The following EML6 variants were observed in gnomAD, a reference collection of about 807,000 sequenced individuals.
EML6 encodes echinoderm microtubule-associated protein-like 6.
Under a neutral mutation model 240.1 loss-of-function variants are expected in EML6, and 154 were observed. The ratio of observed to expected loss-of-function variants is 0.64; its 90% CI spans 0.56 to 0.73. EML6 has a LOEUF of 0.73. EML6 is among the 30% of genes least tolerant of loss of function. The pLI, the probability that EML6 is intolerant of heterozygous loss-of-function variation, is 0.00. For missense variants in EML6, 2,964 were observed against 2,474.6 expected, an observed-to-expected ratio of 1.20 and a Z score of -4.20; for synonymous variants, 1,148 against 899.0, an observed-to-expected ratio of 1.28 and a Z score of -4.95.
In EML6 at chr2:54,970,208, C is replaced by T; in HGVS notation, c.*113C>T. On this transcript the variant is annotated 3_prime_UTR_variant, in exon 42 of 42. Transcript: ENST00000356458. Reference sequence around the variant, plus strand: ...CGTTGGGAAATGCCTACCATGCTGCCCCGGATGCACAAGCTCAAAACGCTG... The same window carrying T: ...CGTTGGGAAATGCCTACCATGCTGCTCCGGATGCACAAGCTCAAAACGCTG... The T allele has an allele frequency of 9.9e-7, 1 of 1,015,044 alleles. No homozygotes were observed. The highest frequency in any genetic ancestry group is 1.5e-6 in the Non-Finnish European group (1 of 661,942). The allele number at this position is 1,015,044 out of a possible 1,614,324, so 62.9% of individuals were successfully genotyped here. A position where few individuals can be genotyped will look rare whatever the true frequency, so the allele number is the denominator to read the frequency against.
intron 35 of EML6, among the ~76,000 whole-genome samples, chr2:54,961,184 G>GTTGTTTTTTTTTTTTTTTTTTTTTGT: frequency 3.2e-4 from 18 of 55,410 alleles, no homozygotes; most frequent in Non-Finnish European, 4.1e-4. Flanking sequence ...TCAGGAAGTA[G>GTTGTTTTTTTTTTTTTTTTTTTTTGT]TTTTTTTTTT....
Position 54,916,417 on chromosome 2 carries a change from C to A in EML6, c.3499-342C>A, listed in dbSNP as rs375648890. 3.3e-5 allele frequency among the ~76,000 whole-genome samples: 5 copies of A among 152,206 alleles called. No individual in the cohort carries two copies. In the East Asian group the frequency reaches 7.7e-4, roughly 23 times the overall value. On this transcript the variant is annotated intron_variant, in intron 25 of 41. Coordinates refer to ENST00000356458, the MANE Select transcript of EML6 (RefSeq NM_001039753.4). The stretch of plus-strand genomic sequence containing the variant: ...CAACAAAGAATTTTCCAGCCTAAGA[C>A]ATCAGTGCTGGCGTTGGGGAATCTG...
intron 28 of EML6, among the ~76,000 whole-genome samples, chr2:54,937,043 G>A (rs150398008): frequency 6.6e-6 from 1 of 151,548 alleles, no homozygotes; most frequent in African/African-American, 2.4e-5. Context: ...ACTGTGGGAG[G>A]CGGAGGAGGG....
intron 25 of EML6, among the ~76,000 whole-genome samples, chr2:54,912,209 G>A (rs930806597): frequency 6.6e-6 from 1 of 152,136 alleles, no homozygotes; most frequent in African/African-American, 2.4e-5. Flanking sequence ...TCATGGCATT[G>A]TATTAATGGA....
At chr2:54,921,522 C>T (rs888260477) in intron 26 of EML6, among the ~76,000 whole-genome samples, 1 of 151,994 alleles carries the variant, frequency 6.6e-6, no homozygotes, top group Admixed American at 6.6e-5. Context: ...TCTGCAGATT[C>T]AATGTAATCC....
intron 28 of EML6, among the ~76,000 whole-genome samples, chr2:54,930,099 A>T (rs1674774389): frequency 6.6e-6 from 1 of 152,188 alleles, no homozygotes; most frequent in South Asian, 2.1e-4. Context: ...AAAAAAAAAA[A>T]TTACCCAGCC....
At chr2:54,728,942 C>T (rs1034487683) in intron 2 of EML6, among the ~76,000 whole-genome samples, 19 of 152,282 alleles carry the variant, frequency 1.2e-4, no homozygotes, top group African/African-American at 3.4e-4. Flanking sequence ...TCATCTTCCC[C>T]GCTGGCCCTT....
chr2:54,794,631 C>T (rs1287383200), intron 2 of EML6, among the ~76,000 whole-genome samples: 1 of 152,148 alleles, frequency 6.6e-6, no homozygotes, highest in Non-Finnish European at 1.5e-5. Flanking sequence ...TACCAATGGC[C>T]CTTGCATAAT....
intron 2 of EML6, among the ~76,000 whole-genome samples, chr2:54,743,722 C>G (rs1683769431): frequency 6.6e-6 from 1 of 152,100 alleles, no homozygotes; most frequent in African/African-American, 2.4e-5. Context: ...TTGTGCAACT[C>G]CCACTATAGG....
intron 2 of EML6, among the ~76,000 whole-genome samples, chr2:54,805,817 T>A (rs910703517): frequency 1.4e-4 from 21 of 152,178 alleles, no homozygotes; most frequent in African/African-American, 4.3e-4. Context: ...ACTTTTTGAG[T>A]TTTTTTGCAT....
intron 22 of EML6, among the ~76,000 whole-genome samples, chr2:54,901,068 T>A (rs1673029740): frequency 6.6e-6 from 1 of 152,192 alleles, no homozygotes; most frequent in Non-Finnish European, 1.5e-5. Flanking sequence ...ATAGTGATGG[T>A]GGCTAATATG....
intron 2 of EML6, among the ~76,000 whole-genome samples, chr2:54,798,662 T>C (rs1325602581): frequency 6.6e-6 from 1 of 152,188 alleles, no homozygotes; most frequent in East Asian, 1.9e-4. Flanking sequence ...TGAATTCTAG[T>C]AGGGTTTTTA....
chr2:54,860,344 C>A (rs979034470), intron 12 of EML6, among the ~76,000 whole-genome samples: 1 of 152,132 alleles, frequency 6.6e-6, no homozygotes, highest in Non-Finnish European at 1.5e-5. Flanking sequence ...AGTGCTCAAG[C>A]CTTCCAGGGA....
chr2:54,823,970 A>G (rs1362242652), intron 5 of EML6, among the ~76,000 whole-genome samples: 1 of 151,808 alleles, frequency 6.6e-6, no homozygotes, highest in Non-Finnish European at 1.5e-5. Context: ...TAGGGGCACA[A>G]TAATGTTAAT....
At position 54,762,131 on chromosome 2, in the gene EML6, C is replaced by A. The variant is rs1411068239; in HGVS notation, c.197+36873C>A. 2.0e-5 allele frequency among the ~76,000 whole-genome samples: 3 copies of A among 152,124 alleles called. No individual in the cohort carries two copies. In the South Asian group the frequency reaches 6.2e-4, roughly 32 times the overall value. ...TTTCATTTTCATGTCTCCTTAGTCT[C>A]TTTTAATCTGGAAAAGTGCCTAAGC... On this transcript the variant is annotated intron_variant, in intron 2 of 41. Transcript: ENST00000356458.
chr2:54,937,702 T>G (rs536015703), intron 28 of EML6, among the ~76,000 whole-genome samples: 1 of 152,294 alleles, frequency 6.6e-6, no homozygotes, highest in Non-Finnish European at 1.5e-5. Flanking sequence ...AGTCACTGAT[T>G]TGTTAGATTT....
chr2:54,969,951 CA>C, intron 41 of EML6, 119 bp from the exon 42 acceptor site: 1 of 1,045,224 alleles, frequency 9.6e-7, no homozygotes, highest in Non-Finnish European at 1.5e-6. Flanking sequence ...CTTTTGAAGT[CA>C]AAATGTTCAA....
At chr2:54,834,026 C>T (rs963347503) in intron 7 of EML6, among the ~76,000 whole-genome samples, 41 of 152,080 alleles carry the variant, frequency 2.7e-4, no homozygotes, top group African/African-American at 9.9e-4. Context: ...TTCTGAATTC[C>T]AAAATGCATC....
At chr2:54,933,194 G>T (rs998751691) in intron 28 of EML6, among the ~76,000 whole-genome samples, 1 of 152,132 alleles carries the variant, frequency 6.6e-6, no homozygotes, top group Non-Finnish European at 1.5e-5. Flanking sequence ...GTCTTTTGAG[G>T]TGCTATTGGC....
Sources: allele counts gnomAD v4.1 joint callset (sites outside exome capture counted in the v4.1 genomes callset), GRCh38; gene constraint gnomAD v4.1.1; transcripts MANE v1.5; gene names NCBI Gene and HGNC (gene_info 2026-07-23, HGNC 2026-07-21).